Variants in SVBP observed in about 807,000 individuals in gnomAD.
SVBP encodes small vasohibin binding protein, also known as small vasohibin-binding protein.
A neutral mutation model predicts 9.2 loss-of-function variants in SVBP; 9 were observed. The observed-to-expected ratio is 0.98, with a 90% CI of 0.59 to 1.71. SVBP has a LOEUF of 1.71. Among genes scored for constraint, SVBP ranks in the 40% most tolerant of loss-of-function variants. SVBP has a pLI of 0.00. For synonymous variants in SVBP, 27 were observed against 23.9 expected (o/e 1.13, Z -0.37); for missense variants, 63 against 73.2 (o/e 0.86, Z 0.51).
chr1:42,810,127 C>T (rs879882708), intron 2 of SVBP, among the ~76,000 whole-genome samples: 1 of 100,798 alleles, frequency 9.9e-6, no homozygotes, highest in African/African-American at 4.5e-5. Context: ...TACATACATA[C>T]ACACACACAC....
intron 2 of SVBP, chr1:42,816,161 A>G (rs1654201117): frequency 7.7e-6 from 3 of 387,824 alleles, no homozygotes; most frequent in South Asian, 3.6e-5. Context: ...TTCCCCTTAC[A>G]TATCATTTTT....
In SVBP at chr1:42,812,641, ATTAGT is replaced by A. The variant is rs568427527; in HGVS notation, c.114+3785_114+3789del. Reference sequence around the variant, plus strand: ...TTGTCACATTGTTCTAATTTATTTGATTAGTTTATCTGGAAAAACTTTACACATTA... The same window carrying A: ...TTGTCACATTGTTCTAATTTATTTGATTATCTGGAAAAACTTTACACATTA... On this transcript the variant is annotated intron_variant, in intron 2 of 2. Coordinates refer to ENST00000372521, the MANE Select transcript of SVBP (RefSeq NM_199342.4). 9.2e-3 allele frequency among the ~76,000 whole-genome samples: 1,404 copies of A among 152,340 alleles called. 5 individuals carry two copies. The highest frequency in any genetic ancestry group is 0.014 in the Non-Finnish European group (974 of 68,024).
At chr1:42,812,165 C>A (rs1274395325) in intron 2 of SVBP, among the ~76,000 whole-genome samples, 3 of 152,132 alleles carry the variant, frequency 2.0e-5, no homozygotes, top group African/African-American at 7.2e-5. Context: ...TAACACTCCA[C>A]ATAAAAACAT....
chr1:42,810,948 T>C (rs947425585), intron 2 of SVBP, among the ~76,000 whole-genome samples: 1 of 152,184 alleles, frequency 6.6e-6, no homozygotes, highest in Non-Finnish European at 1.5e-5. Flanking sequence ...GAGACCAGCC[T>C]GACCAACATG....
intron 2 of SVBP, among the ~76,000 whole-genome samples, chr1:42,810,792 G>A (rs1399450252): frequency 6.6e-6 from 1 of 152,052 alleles, no homozygotes; most frequent in Non-Finnish European, 1.5e-5. Context: ...AATAGAAACT[G>A]TCTCTTCCTC....
At chr1:42,810,731 C>T (rs1654066838) in intron 2 of SVBP, among the ~76,000 whole-genome samples, 1 of 152,122 alleles carries the variant, frequency 6.6e-6, no homozygotes, top group Admixed American at 6.6e-5. Context: ...ATTCACCTCC[C>T]ACATCTCTCC....
intron 2 of SVBP, among the ~76,000 whole-genome samples, chr1:42,810,244 T>G (rs1035788969): frequency 6.6e-6 from 1 of 151,988 alleles, no homozygotes; most frequent in Non-Finnish European, 1.5e-5. Context: ...CGCCTCCTGG[T>G]TCAAGCAATT....
chr1:42,809,836 G>T (rs1332808132), intron 2 of SVBP, among the ~76,000 whole-genome samples: 3 of 152,066 alleles, frequency 2.0e-5, no homozygotes, highest in African/African-American at 7.3e-5. Flanking sequence ...GCCAGTCACG[G>T]TAACATATAT....
chr1:42,808,437 G>A (rs1654014328), intron 2 of SVBP, among the ~76,000 whole-genome samples: 1 of 140,082 alleles, frequency 7.1e-6, no homozygotes, highest in South Asian at 2.2e-4. Context: ...ATATATATAA[G>A]CTATATACAC....
At chr1:42,810,384 G>A (rs1207071153) in intron 2 of SVBP, among the ~76,000 whole-genome samples, 1 of 152,114 alleles carries the variant, frequency 6.6e-6, no homozygotes, top group African/African-American at 2.4e-5. Flanking sequence ...CTGACCTCGT[G>A]ATCTGCCCAC....
chr1:42,816,414 C>T lies in SVBP; in HGVS notation c.114+17G>A. ...CCAGCAGACTACAGGCATACAGAGC[C>T]TCCGCCTTAATCTCACCTCTGCTCT... is the stretch of plus-strand genomic sequence containing the variant. On this transcript the variant is annotated intron_variant, in intron 2 of 2. Transcript: ENST00000372521. 1 of 1,554,408 alleles carries T rather than the reference C, an allele frequency of 6.4e-7. No individual in the cohort carries two copies. The highest frequency in any genetic ancestry group is 2.2e-5 in the East Asian group (1 of 44,612).
At chr1:42,808,184 C>A (rs1481000658) in intron 2 of SVBP, among the ~76,000 whole-genome samples, 3 of 98,946 alleles carry the variant, frequency 3.0e-5, no homozygotes, top group East Asian at 4.3e-4. Flanking sequence ...TATATACATA[C>A]TATGTATAGT....
intron 1 of SVBP, 77 bp downstream of exon 1, chr1:42,817,113 C>A: frequency 1.8e-6 from 2 of 1,121,160 alleles, no homozygotes; most frequent in Non-Finnish European, 2.2e-6. Context: ...ACGGCCCCCG[C>A]CTCCTGCCCT....
chr1:42,809,163 T>G (rs1310998165), intron 2 of SVBP: 1 of 152,232 alleles, frequency 6.6e-6, no homozygotes, highest in Non-Finnish European at 1.5e-5. Flanking sequence ...CTCATCATCT[T>G]TCTTTATTCT....
intron 2 of SVBP, among the ~76,000 whole-genome samples, chr1:42,808,143 G>C: frequency 2.2e-5 from 1 of 44,656 alleles, no homozygotes; most frequent in Non-Finnish European, 4.1e-5. Flanking sequence ...TAGTGTGTGT[G>C]TGTGTGTATA....
intron 2 of SVBP, among the ~76,000 whole-genome samples, chr1:42,810,926 G>A (rs187103340): frequency 6.6e-6 from 1 of 152,244 alleles, no homozygotes; most frequent in East Asian, 1.9e-4. Flanking sequence ...GATCACTTGA[G>A]GTCAGGAGTT....
intron 2 of SVBP, among the ~76,000 whole-genome samples, chr1:42,812,124 G>A (rs796167149): frequency 8.6e-5 from 13 of 151,016 alleles, no homozygotes; most frequent in African/African-American, 2.9e-4. Context: ...AATAAATCCA[G>A]CACATTACAG....
At chr1:42,815,091 C>T (rs1319932000) in intron 2 of SVBP, among the ~76,000 whole-genome samples, 4 of 151,754 alleles carry the variant, frequency 2.6e-5, no homozygotes, top group Non-Finnish European at 5.9e-5. Flanking sequence ...AGCTGGAAAC[C>T]ATCATTCTCA....
At position 42,817,376 on chromosome 1, in the gene SVBP, A is replaced by G. The variant is rs1476305317; in HGVS notation, c.-223T>C. 4 of 556,430 alleles carry G rather than the reference A, an allele frequency of 7.2e-6. No homozygotes were observed. Among genetic ancestry groups the G allele is most frequent in the Non-Finnish European group, 4.8e-6 (2 of 417,886 alleles). 34.5% of individuals were successfully genotyped at this position (556,430 alleles called of 1,614,324 possible). ...CGAGCGCCAGGAGGCTTCCGCCCGC[A>G]GGAGCGGCCGCGCGTGCGCAGAGAG... On this transcript the variant is annotated 5_prime_UTR_variant, in exon 1 of 3. Coordinates refer to ENST00000372521, the MANE Select transcript of SVBP (RefSeq NM_199342.4).
Sources: gnomAD v4.1 joint callset for allele counts (sites outside exome capture counted in the v4.1 genomes callset) on GRCh38, gnomAD v4.1.1 for gene constraint, MANE v1.5 for transcripts, NCBI Gene and HGNC (gene_info 2026-07-23, HGNC 2026-07-21) for gene names.